MDFIC2: variants seen among roughly 807,000 people sequenced by gnomAD.
MDFIC2 encodes MyoD family inhibitor domain containing 2.
intron 2 of MDFIC2, among the ~76,000 whole-genome samples, chr3:70,258,151 C>T (rs1222071316): frequency 2.0e-5 from 3 of 151,942 alleles, no homozygotes; most frequent in Non-Finnish European, 4.4e-5. Flanking sequence ...AATGGATCAT[C>T]GATCTAAATG....
In MDFIC2 at chr3:70,276,669, T is replaced by C. The variant is rs144995900; in HGVS notation, c.88+35217A>G. Among the ~76,000 whole-genome samples, 1,305 of 152,342 alleles carry C rather than the reference T, an allele frequency of 8.6e-3. 23 individuals carry two copies. The highest frequency in any genetic ancestry group is 0.03 in the African/African-American group (1,245 of 41,574). On this transcript the variant is annotated intron_variant, in intron 2 of 3. Transcript: ENST00000567252. ...GATAAACTGTGACCCATGGTCTACA[T>C]ATGGCCTACTGCATTTTTTTGTAAG...
At chr3:70,302,382 T>C (rs1702357801) in intron 2 of MDFIC2, among the ~76,000 whole-genome samples, 1 of 152,190 alleles carries the variant, frequency 6.6e-6, no homozygotes, top group Non-Finnish European at 1.5e-5. Context: ...AAAAGTAAAG[T>C]ATCTCTTTGT....
At chr3:70,199,879 G>A (rs937982096) in intron 3 of MDFIC2, among the ~76,000 whole-genome samples, 2 of 152,062 alleles carry the variant, frequency 1.3e-5, no homozygotes, top group African/African-American at 2.4e-5. Context: ...CCTGCTGCAC[G>A]TCTCTTCTGC....
At chr3:70,282,905 G>T (rs1702102984) in intron 2 of MDFIC2, among the ~76,000 whole-genome samples, 1 of 152,106 alleles carries the variant, frequency 6.6e-6, no homozygotes, top group South Asian at 2.1e-4. Context: ...TCTCTCCCCA[G>T]GATGAAATAG....
At chr3:70,211,639 C>T (rs1366021311) in intron 2 of MDFIC2, among the ~76,000 whole-genome samples, 2 of 117,224 alleles carry the variant, frequency 1.7e-5, no homozygotes, top group Non-Finnish European at 3.6e-5. Flanking sequence ...CCCTTCCCTT[C>T]CCTTTGCCTT....
chr3:70,241,748 CAT>C (rs1375751422), intron 2 of MDFIC2, among the ~76,000 whole-genome samples: 9 of 152,262 alleles, frequency 5.9e-5, no homozygotes, highest in South Asian at 4.1e-4. Flanking sequence ...GTCTCACACA[CAT>C]GAGTCCATTT....
intron 2 of MDFIC2, among the ~76,000 whole-genome samples, chr3:70,224,750 G>C (rs1559539208): frequency 6.6e-6 from 1 of 151,464 alleles, no homozygotes; most frequent in South Asian, 2.1e-4. Flanking sequence ...CATTGCGCTC[G>C]GCAAAATGCT....
chr3:70,199,752 T>C (rs1472210676), intron 3 of MDFIC2, among the ~76,000 whole-genome samples: 1 of 152,204 alleles, frequency 6.6e-6, no homozygotes, highest in Non-Finnish European at 1.5e-5. Flanking sequence ...TATTTTTCTT[T>C]GCCTGCACTA....
chr3:70,256,942 C>A (rs1701822249), intron 2 of MDFIC2, among the ~76,000 whole-genome samples: 1 of 152,082 alleles, frequency 6.6e-6, no homozygotes, highest in South Asian at 2.1e-4. Flanking sequence ...TATAATTGGT[C>A]CACCCTGTGA....
chr3:70,243,130 A>G lies in MDFIC2; in HGVS notation c.89-36340T>C, dbSNP rs755236714. Among the ~76,000 whole-genome samples, 86 of 152,212 alleles carry G rather than the reference A, an allele frequency of 5.7e-4. No individual in the cohort carries two copies. The Middle Eastern group carries it at 0.01, about 18-fold the overall frequency. ...CTTAATGATAATCCTTCTCTAGACT[A>G]TATTGTTTCCTGTGCCTTTTGTCTT... On this transcript the variant is annotated intron_variant, in intron 2 of 3. Coordinates refer to ENST00000567252, the MANE Select transcript of MDFIC2 (RefSeq NM_001364677.1).
At chr3:70,203,921 A>G (rs1165996238) in intron 3 of MDFIC2, among the ~76,000 whole-genome samples, 1 of 152,116 alleles carries the variant, frequency 6.6e-6, no homozygotes, top group Non-Finnish European at 1.5e-5. Flanking sequence ...TCCTCTGGAC[A>G]CTTTCCATTT....
chr3:70,293,088 C>T (rs1014063026), intron 2 of MDFIC2, among the ~76,000 whole-genome samples: 11 of 131,836 alleles, frequency 8.3e-5, no homozygotes, highest in South Asian at 5.0e-4. Context: ...TATTACATGA[C>T]GAGAAGAAAG....
At chr3:70,228,806 A>T (rs938486198) in intron 2 of MDFIC2, among the ~76,000 whole-genome samples, 1 of 151,428 alleles carries the variant, frequency 6.6e-6, no homozygotes, top group Non-Finnish European at 1.5e-5. Flanking sequence ...ACCTATTAAG[A>T]TGGATAGCTG....
At chr3:70,241,139 T>C (rs6549301) in intron 2 of MDFIC2, among the ~76,000 whole-genome samples, 152,050 of 152,258 alleles carry the variant, frequency 1, 75,921 homozygotes, top group South Asian at 1. Flanking sequence ...ACATACGGGC[T>C]GATAAATTTA....
At chr3:70,232,425 T>TG (rs1701569504) in intron 2 of MDFIC2, among the ~76,000 whole-genome samples, 1 of 151,368 alleles carries the variant, frequency 6.6e-6, no homozygotes, top group South Asian at 2.1e-4. Flanking sequence ...TTTCTTGCGA[T>TG]GGAGTCTCGC....
rs1234596437 is a variant in MDFIC2 at position 70,197,118 on chromosome 3, G to A, written c.378C>T (p.Pro126=). Reference sequence around the variant, plus strand: ...TGGTACACACCGTTTCGCAGGTGCCGGGGAGCATCAGGAGACAGTCCCAAA... The same window carrying A: ...TGGTACACACCGTTTCGCAGGTGCCAGGGAGCATCAGGAGACAGTCCCAAA... The part of the protein sequence containing the change: ...CQFWDCLLML[P]GTCETVCTKM... The change falls in exon 4 of 4, where the codon CCC becomes CCT. Residue 126 remains proline (P), a synonymous_variant. Transcript: ENST00000567252. The A allele has an allele frequency of 2.5e-6, 1 of 398,548 alleles. No homozygotes were observed. Among genetic ancestry groups the A allele is most frequent in the Non-Finnish European group, 4.4e-6 (1 of 226,066 alleles). 24.7% of individuals were successfully genotyped at this position (398,548 alleles called of 1,614,324 possible). A position where few individuals can be genotyped will look rare whatever the true frequency, so the allele number is the denominator to read the frequency against.
chr3:70,216,063 C>G (rs1372894528), intron 2 of MDFIC2, among the ~76,000 whole-genome samples: 1 of 151,846 alleles, frequency 6.6e-6, no homozygotes, highest in Non-Finnish European at 1.5e-5. Flanking sequence ...ATAATTCTAC[C>G]ATTTTAAACA....
chr3:70,304,105 G>A (rs1467008080), intron 2 of MDFIC2, among the ~76,000 whole-genome samples: 1 of 152,110 alleles, frequency 6.6e-6, no homozygotes, highest in East Asian at 1.9e-4. Flanking sequence ...CAGGGTCTAT[G>A]AAAGGCTCTA....
chr3:70,303,030 A>G (rs1702365628), intron 2 of MDFIC2, among the ~76,000 whole-genome samples: 1 of 152,320 alleles, frequency 6.6e-6, no homozygotes, highest in East Asian at 1.9e-4. Flanking sequence ...CAGAGAATCA[A>G]AATGATTTTG....
Sources: gnomAD v4.1 joint callset for allele counts (sites outside exome capture counted in the v4.1 genomes callset) on GRCh38, gnomAD v4.1.1 for gene constraint, MANE v1.5 for transcripts, NCBI Gene and HGNC (gene_info 2026-07-23, HGNC 2026-07-21) for gene names.